Variants in CCNB3 observed in about 807,000 individuals in gnomAD.
CCNB3 encodes the protein G2/mitotic-specific cyclin-B3.
A neutral mutation model predicts 68.0 loss-of-function variants in CCNB3; 12 were observed. The observed-to-expected ratio is 0.18, with a 90% confidence interval of 0.11 to 0.29. The LOEUF (loss-of-function observed/expected upper bound fraction) is 0.29. CCNB3 is among the 10% of genes least tolerant of loss of function. The pLI, the probability that CCNB3 is intolerant of heterozygous loss-of-function variation, is 1.00. For missense variants in CCNB3, 904 were observed against 993.1 expected (o/e 0.91, Z 1.21); for synonymous variants, 354 against 388.9 (o/e 0.91, Z 1.06).
chrX:50,301,986 C>T (rs781861694), intron 5 of CCNB3, among the ~76,000 whole-genome samples: 16 of 112,722 alleles, frequency 1.4e-4, no homozygotes, highest in African/African-American at 4.2e-4. Flanking sequence ...GTTGGAAAAG[C>T]GCAGTATTAG....
intron 6 of CCNB3, 74 bp downstream of exon 6, chrX:50,311,570 G>A: frequency 1.7e-6 from 1 of 601,864 alleles, no homozygotes; most frequent in South Asian, 3.7e-5. Context: ...TAGCAAAGTT[G>A]TTTTTTTTTT....
intron 7 of CCNB3, 92 bp downstream of exon 7, chrX:50,312,724 AATG>A (rs1409736429): frequency 1.8e-6 from 1 of 552,191 alleles, no homozygotes; most frequent in Non-Finnish European, 3.0e-6. Context: ...GGGTGGTAAT[AATG>A]ATGATAAAAA....
chrX:50,290,567 G>A (rs1290784460), intron 4 of CCNB3, among the ~76,000 whole-genome samples: 3 of 112,164 alleles, frequency 2.7e-5, no homozygotes, highest in African/African-American at 9.7e-5. Flanking sequence ...AAGTATCACA[G>A]CGCATGAGAA....
At chrX:50,227,488 A>C in intron 1 of CCNB3, among the ~76,000 whole-genome samples, 1 of 87,686 alleles carries the variant, frequency 1.1e-5, no homozygotes, top group East Asian at 3.2e-4. Flanking sequence ...TATAGACAGA[A>C]TATATATATA....
intron 8 of CCNB3, among the ~76,000 whole-genome samples, chrX:50,331,846 G>A (rs1409437424): frequency 4.5e-5 from 5 of 111,294 alleles, no homozygotes; most frequent in African/African-American, 1.3e-4. Flanking sequence ...AAGGCCACAC[G>A]CTCCCCTTTT....
At chrX:50,228,775 C>CATATATAGAATATATATATAGAATAG (rs1935990109) in intron 1 of CCNB3, among the ~76,000 whole-genome samples, 1 of 43,353 alleles carries the variant, frequency 2.3e-5, no homozygotes, top group Non-Finnish European at 4.1e-5. Context: ...ATATAGAATA[C>CATATATAGAATATATATATAGAATAG]ATATATAGAA....
At chrX:50,303,466 T>C (rs1254458697) in intron 5 of CCNB3, among the ~76,000 whole-genome samples, 1 of 107,981 alleles carries the variant, frequency 9.3e-6, no homozygotes, top group Admixed American at 9.9e-5. Context: ...TTTTTTTTTT[T>C]AAACACCCAT....
At chrX:50,218,084 A>G (rs1935608300) in intron 1 of CCNB3, among the ~76,000 whole-genome samples, 1 of 112,245 alleles carries the variant, frequency 8.9e-6, no homozygotes, top group South Asian at 3.7e-4. Context: ...CCCCATCAAC[A>G]GAAGTTATTA....
intron 1 of CCNB3, among the ~76,000 whole-genome samples, chrX:50,281,279 G>T (rs1216934315): frequency 9.0e-6 from 1 of 111,574 alleles, no homozygotes; most frequent in Non-Finnish European, 1.9e-5. Context: ...CTTCATGACG[G>T]CTGTAGTTTT....
chrX:50,296,147 A>G (rs1936455337), intron 5 of CCNB3, among the ~76,000 whole-genome samples: 1 of 109,742 alleles, frequency 9.1e-6, no homozygotes, highest in South Asian at 4.0e-4. Flanking sequence ...TATTATTATT[A>G]TACTTTAAGT....
intron 5 of CCNB3, among the ~76,000 whole-genome samples, chrX:50,307,116 G>A (rs1192011563): frequency 9.0e-6 from 1 of 111,666 alleles, no homozygotes; most frequent in African/African-American, 3.3e-5. Context: ...TTTGATTATT[G>A]ATTTGATATC....
intron 1 of CCNB3, among the ~76,000 whole-genome samples, chrX:50,279,071 A>G (rs1255700766): frequency 4.1e-4 from 24 of 59,047 alleles, no homozygotes; most frequent in Non-Finnish European, 6.1e-4. Flanking sequence ...ATATATTTAT[A>G]GAACATATAT....
chrX:50,324,622 A>G (rs191737888), intron 8 of CCNB3, among the ~76,000 whole-genome samples: 228 of 111,746 alleles, frequency 2.0e-3, no homozygotes, highest in African/African-American at 6.3e-3. Flanking sequence ...TTCATTTAAC[A>G]TCTGCTTTTA....
At chrX:50,324,100 C>G (rs1922176025) in intron 8 of CCNB3, among the ~76,000 whole-genome samples, 1 of 112,448 alleles carries the variant, frequency 8.9e-6, no homozygotes, top group South Asian at 3.7e-4. Flanking sequence ...GCCACCTTGG[C>G]TCACCGCAAT....
chrX:50,300,508 A>T (rs971454370), intron 5 of CCNB3, among the ~76,000 whole-genome samples: 1 of 111,690 alleles, frequency 9.0e-6, no homozygotes, highest in African/African-American at 3.3e-5. Flanking sequence ...GATCTGCTGT[A>T]AGTCTGATGG....
chrX:50,338,014 C>A (rs1404674642), intron 8 of CCNB3, among the ~76,000 whole-genome samples: 2 of 112,097 alleles, frequency 1.8e-5, no homozygotes, highest in African/African-American at 6.5e-5. Flanking sequence ...GTCCAGACTC[C>A]AAGTACCAGT....
At position 50,351,328 on chromosome X, in the gene CCNB3, T is replaced by A; in HGVS notation, c.4048T>A (p.Ser1350Thr). Residue 1350 changes from serine (S) to threonine (T), a missense_variant, in exon 12 of 13, where the codon TCT becomes ACT. Physicochemically the swap from Ser to Thr is moderately conservative, Grantham distance 58. Transcript: ENST00000376042. ...GCTGAACAAACTGCTGACTTTCAGT[T>A]CTTACGATAGTCTCAAGGCTGTGTA... ...RQLNKLLTFS[S>T]YDSLKAVYYK... 1 of 1,210,649 alleles carries A rather than the reference T, an allele frequency of 8.3e-7. No individual in the cohort carries two copies. The highest frequency in any genetic ancestry group is 2.4e-4 in the Middle Eastern group (1 of 4,251).
chrX:50,309,472 C>T lies in CCNB3; in HGVS notation c.1303C>T (p.Pro435Ser), dbSNP rs1189103204. ...STEKESFSQE[P>S]SALQKKHTTQ... is the part of the protein sequence containing the mutation. ...TGAGAAGGAGTCCTTTTCCCAGGAA[C>T]CATCTGCATTGCAAAAGAAGCACAC... The change falls in exon 6 of 13, where the codon CCA (proline) becomes TCA (serine). Residue 435 changes from proline (P) to serine (S), a missense_variant. This residue lies in a region of CCNB3 where 619 missense variants were observed against 609.8 expected (regional missense o/e 1.02). Coordinates refer to ENST00000376042, the MANE Select transcript of CCNB3 (RefSeq NM_033031.3). The T allele has an allele frequency of 1.7e-6, 2 of 1,209,366 alleles. No homozygotes were observed. Among genetic ancestry groups the T allele is most frequent in the African/African-American group, 3.5e-5 (2 of 57,019 alleles).
chrX:50,214,474 C>CTATATATATATATATATATATA, intron 1 of CCNB3, among the ~76,000 whole-genome samples: 1 of 1,921 alleles, frequency 5.2e-4, no homozygotes, highest in Non-Finnish European at 1.9e-3. Context: ...TAGCTGTGGC[C>CTATATATATATATATATATATA]CATATATATA....
Sources: gnomAD v4.1 joint callset for allele counts (sites outside exome capture counted in the v4.1 genomes callset) on GRCh38, gnomAD v4.1.1 for gene constraint, gnomAD v4.1.1 regional missense constraint, MANE v1.5 for transcripts, NCBI Gene and HGNC (gene_info 2026-07-23, HGNC 2026-07-21) for gene names.